The following BACE1 variants were observed in gnomAD, a reference collection of about 807,000 sequenced individuals.
BACE1 encodes beta-secretase 1.
Under a neutral mutation model 54.0 loss-of-function variants are expected in BACE1, and 21 were observed. That is an observed-to-expected ratio of 0.39 (90% CI 0.28 to 0.56). The LOEUF (loss-of-function observed/expected upper bound fraction) is 0.56, where lower values mean the gene tolerates loss of function less well. Among genes scored for constraint, BACE1 ranks in the 20% least tolerant of loss-of-function variants. BACE1 has a pLI of 0.63. For synonymous variants in BACE1, 232 were observed against 260.9 expected (o/e 0.89, Z 1.07); for missense variants, 511 against 661.2 (o/e 0.77, Z 2.49).
rs1480162915 is a variant in BACE1 at position 117,288,389 on chromosome 11, C to A, written c.*1177G>T. ...TCTGAATTATGTAAAGATCTTGCTA[C>A]TTCTTATAGCCTAATAGGAAGAAAT... On this transcript the variant is annotated 3_prime_UTR_variant, in exon 9 of 9. Transcript: ENST00000313005. 2.6e-5 allele frequency: 4 copies of A among 152,632 alleles called. No individual in the cohort carries two copies. The highest frequency in any genetic ancestry group is 1.3e-4 in the Admixed American group (2 of 15,278). The allele number at this position is 152,632 out of a possible 1,614,324, so 9.5% of individuals were successfully genotyped here.
chr11:117,305,281 A>T (rs759183214), intron 1 of BACE1, among the ~76,000 whole-genome samples: 1 of 152,178 alleles, frequency 6.6e-6, no homozygotes, highest in African/African-American at 2.4e-5. Flanking sequence ...AAAGGGGGCA[A>T]GGAAGGACAA....
chr11:117,286,812 T>TCAGGTGACCCA lies in BACE1; in HGVS notation c.*2743_*2753dup, dbSNP rs2034274749. On this transcript the variant is annotated 3_prime_UTR_variant, in exon 9 of 9. Transcript: ENST00000313005. ...GCCTGAGTACTCAGCTCTTCAGAGGTCAGGTGACCCACTTTCTTTGGTTAA... is the reference window on the plus strand; with the variant it reads ...GCCTGAGTACTCAGCTCTTCAGAGGTCAGGTGACCCACAGGTGACCCACTTTCTTTGGTTAA... 6.6e-6 allele frequency: 1 copy of TCAGGTGACCCA among 152,556 alleles called. No individual in the cohort carries two copies. Among genetic ancestry groups the TCAGGTGACCCA allele is most frequent in the Non-Finnish European group, 1.5e-5 (1 of 68,036 alleles). 9.5% of individuals were successfully genotyped at this position (152,556 alleles called of 1,614,324 possible).
At chr11:117,302,295 T>C (rs1478865099) in intron 1 of BACE1, among the ~76,000 whole-genome samples, 3 of 152,166 alleles carry the variant, frequency 2.0e-5, no homozygotes, top group Non-Finnish European at 4.4e-5. Context: ...ATGGCGCCAC[T>C]GCACTCCCGT....
chr11:117,293,264 A>T lies in BACE1; in HGVS notation c.706-76T>A, dbSNP rs576088498. The T allele has an allele frequency of 7.7e-5, 116 of 1,514,760 alleles. 1 individual carries two copies. The South Asian group carries it at 1.4e-3, about 18-fold the overall frequency. 93.8% of individuals were successfully genotyped at this position (1,514,760 alleles called of 1,614,324 possible). A position where few individuals can be genotyped will look rare whatever the true frequency, so the allele number is the denominator to read the frequency against. ...AGTCCCCCAAGGACCAAGCAATAAG[A>T]TCAGTGATTTCTTGGGGTGGCAAGG... On this transcript the variant is annotated intron_variant, in intron 4 of 8. Coordinates refer to ENST00000313005, the MANE Select transcript of BACE1 (RefSeq NM_012104.6). The surrounding 1 kb of genome is among the most constrained non-coding windows in gnomAD (Gnocchi z 4.1).
rs377169130 is a variant in BACE1 at position 117,290,591 on chromosome 11, C to T, written c.1161G>A (p.Gln387=). 4 of 1,614,130 alleles carry T rather than the reference C, an allele frequency of 2.5e-6. No individual in the cohort carries two copies. The African/African-American group carries it at 4.0e-5, about 16-fold the overall frequency. ...QDDCYKFAIS[Q]SSTGTVMGAV... is the part of the protein sequence containing the mutation. ...CTCCCATAACAGTGCCCGTGGATGA[C>T]TGTGAGATGGCAAACTTGTAACAGT... Residue 387 remains glutamine, a synonymous_variant, in exon 8 of 9, where the codon CAG becomes CAA. Transcript: ENST00000313005.
chr11:117,290,809 T>G, intron 7 of BACE1, 91 bp downstream of exon 7: 1 of 1,561,016 alleles, frequency 6.4e-7, no homozygotes, highest in South Asian at 1.2e-5. Flanking sequence ...CTCATCTGTT[T>G]TGTCTTCCAA....
intron 1 of BACE1, among the ~76,000 whole-genome samples, chr11:117,297,840 T>C (rs961854375): frequency 2.0e-5 from 3 of 152,226 alleles, no homozygotes; most frequent in Non-Finnish European, 4.4e-5. Flanking sequence ...GAAAGCCAGG[T>C]TGCATCAATG....
At chr11:117,312,375 T>C (rs1407967012) in intron 1 of BACE1, among the ~76,000 whole-genome samples, 1 of 152,194 alleles carries the variant, frequency 6.6e-6, no homozygotes, top group African/African-American at 2.4e-5. Flanking sequence ...TCAGAGCACA[T>C]GTCCCTGGTG....
intron 1 of BACE1, chr11:117,299,683 G>A: frequency 2.5e-6 from 1 of 405,194 alleles, no homozygotes; most frequent in South Asian, 1.7e-5. Context: ...TCTCTGGGCA[G>A]CCACCAGCTC....
chr11:117,292,729 GTCT>G (rs1565357717), intron 5 of BACE1: 2 of 218,786 alleles, frequency 9.1e-6, no homozygotes, highest in East Asian at 2.7e-4. Context: ...TCAGATCTGG[GTCT>G]TCCTGACTCC....
chr11:117,290,302 C>T (rs376883062), intron 8 of BACE1, among the ~76,000 whole-genome samples, 186 bp downstream of exon 8: 1 of 152,102 alleles, frequency 6.6e-6, no homozygotes, highest in Non-Finnish European at 1.5e-5. Context: ...AGGCAGTGGT[C>T]ATTATGGCAG....
chr11:117,314,933 G>T (rs946102686), intron 1 of BACE1, among the ~76,000 whole-genome samples: 2 of 152,036 alleles, frequency 1.3e-5, no homozygotes, highest in Admixed American at 6.5e-5. Flanking sequence ...TGTAGACCGC[G>T]AGAGGGAGAA....
rs1388461947 is a variant in BACE1 at position 117,295,113 on chromosome 11, A to C, written c.567+18T>G. 1.2e-6 allele frequency: 2 copies of C among 1,609,734 alleles called. No homozygotes were observed. Among genetic ancestry groups the C allele is most frequent in the Non-Finnish European group, 1.7e-6 (2 of 1,176,138 alleles). On this transcript the variant is annotated intron_variant, in intron 3 of 8. Coordinates refer to ENST00000313005, the MANE Select transcript of BACE1 (RefSeq NM_012104.6). ...CAGTGTGCATAGAGTGTGTAGGGCCAAGCCCTGTTCCTCTCACCCTGGCAA... is the reference window on the plus strand; with the variant it reads ...CAGTGTGCATAGAGTGTGTAGGGCCCAGCCCTGTTCCTCTCACCCTGGCAA...
Position 117,313,091 on chromosome 11 carries a change from T to TACAATGCCAA in BACE1, c.261+2443_261+2444insTTGGCATTGT, listed in dbSNP as rs1345293317. 7.2e-5 allele frequency among the ~76,000 whole-genome samples: 11 copies of TACAATGCCAA among 152,316 alleles called. No individual in the cohort carries two copies. In the East Asian group the frequency reaches 1.9e-3, roughly 27 times the overall value. ...TGTTCAGAATACAATGCCATCCAAG[T>TACAATGCCAA]TCTCATTTGGCACTTACAACAGCCG... On this transcript the variant is annotated intron_variant, in intron 1 of 8. Transcript: ENST00000313005.
chr11:117,315,630 G>T lies in BACE1; in HGVS notation c.166C>A (p.Arg56=). The change falls in exon 1 of 9, where the codon CGG becomes AGG. Residue 56 remains arginine (R), a synonymous_variant. Coordinates refer to ENST00000313005, the MANE Select transcript of BACE1 (RefSeq NM_012104.6). The surrounding 1 kb of genome is among the most constrained non-coding windows in gnomAD (Gnocchi z 5.5). ...ACCATCTCCACAAAGCTGCCCCTCC[G>T]GCCGGGCTCCTCGGGCTCTTCGTCG... ...ETDEEPEEPG[R]RGSFVEMVDN... is the part of the protein sequence containing the mutation. 1 of 1,584,288 alleles carries T rather than the reference G, an allele frequency of 6.3e-7. No homozygotes were observed. Among genetic ancestry groups the T allele is most frequent in the Non-Finnish European group, 8.6e-7 (1 of 1,167,514 alleles).
Position 117,305,770 on chromosome 11 carries a change from T to C in BACE1, c.262-8809A>G, listed in dbSNP as rs183183122. Among the ~76,000 whole-genome samples the C allele has an allele frequency of 4.1e-3, 630 of 152,154 alleles. 4 individuals carry two copies. Among genetic ancestry groups the C allele is most frequent in the African/African-American group, 0.013 (547 of 41,508 alleles). On this transcript the variant is annotated intron_variant, in intron 1 of 8. Coordinates refer to ENST00000313005, the MANE Select transcript of BACE1 (RefSeq NM_012104.6). ...AGCAGAATCAGCCGCGCGCAGTGGC[T>C]CACGCCTGTAATCCCAGCACTTTGG...
At position 117,316,005 on chromosome 11, in the gene BACE1, A is replaced by C; in HGVS notation, c.-210T>G. 1 of 437,630 alleles carries C rather than the reference A, an allele frequency of 2.3e-6. No homozygotes were observed. The highest frequency in any genetic ancestry group is 3.8e-6 in the Non-Finnish European group (1 of 261,036). 27.1% of individuals were successfully genotyped at this position (437,630 alleles called of 1,614,324 possible). On this transcript the variant is annotated 5_prime_UTR_variant, in exon 1 of 9. Coordinates refer to ENST00000313005, the MANE Select transcript of BACE1 (RefSeq NM_012104.6). ...GATCCGCAGAGCACGGGAGCAGGGGAGAGGCTGGGATCCGGAGCCCGCTAC... is the reference window on the plus strand; with the variant it reads ...GATCCGCAGAGCACGGGAGCAGGGGCGAGGCTGGGATCCGGAGCCCGCTAC...
At chr11:117,292,901 C>A in intron 5 of BACE1, 153 bp downstream of exon 5, 1 of 863,342 alleles carries the variant, frequency 1.2e-6, no homozygotes, top group South Asian at 1.9e-5. Context: ...GCTGTGTGAC[C>A]ATTAAGCCCC....
Position 117,287,943 on chromosome 11 carries a change from G to A in BACE1, c.*1623C>T, listed in dbSNP as rs2134436337. ...CACTTAGCAGGTCCCATACCTGGAA[G>A]CAGCGGGTTGACCAGGTAGGAGTAG... On this transcript the variant is annotated 3_prime_UTR_variant, in exon 9 of 9. Coordinates refer to ENST00000313005, the MANE Select transcript of BACE1 (RefSeq NM_012104.6). The A allele has an allele frequency of 6.5e-6, 1 of 152,790 alleles. No homozygotes were observed. The highest frequency in any genetic ancestry group is 1.9e-4 in the East Asian group (1 of 5,190). 9.5% of individuals were successfully genotyped at this position (152,790 alleles called of 1,614,324 possible).
Sources: allele counts gnomAD v4.1 joint callset (sites outside exome capture counted in the v4.1 genomes callset), GRCh38; gene constraint gnomAD v4.1.1; non-coding constraint Gnocchi (gnomAD v3.1); transcripts MANE v1.5; gene names NCBI Gene and HGNC (gene_info 2026-07-23, HGNC 2026-07-21).